The following SPPL2B variants were observed in gnomAD, a reference collection of about 807,000 sequenced individuals.
The protein encoded by SPPL2B is signal peptide peptidase-like 2B.
SPPL2B carries 39 observed loss-of-function variants against 59.7 expected under a neutral mutation model. The observed-to-expected ratio is 0.65, with a 90% confidence interval of 0.51 to 0.85. SPPL2B has a LOEUF of 0.85. Among genes scored for constraint, SPPL2B ranks in the 40% least tolerant of loss-of-function variants. The pLI, the probability that SPPL2B is intolerant of heterozygous loss-of-function variation, is 0.00. For synonymous variants in SPPL2B, 419 were observed against 370.8 expected, an observed-to-expected ratio of 1.13 and a Z score of -1.49; for missense variants, 865 against 849.0, an observed-to-expected ratio of 1.02 and a Z score of -0.23.
intron 3 of SPPL2B, chr19:2,338,425 T>TAAAAAA: frequency 9.4e-6 from 2 of 213,226 alleles, no homozygotes; most frequent in Admixed American, 5.6e-5. Context: ...CAAGGCGGCT[T>TAAAAAA]AGTGGGCAGG....
At position 2,334,592 on chromosome 19, in the gene SPPL2B, T is replaced by C; in HGVS notation, c.67-10T>C. On this transcript the variant is annotated splice_polypyrimidine_tract_variant and intron_variant, in intron 1 of 14. Transcript: ENST00000613503. ...GTGCTGTGGCTCTGACTGCTGGCCTTGTCCTGCAGGTGGCCTGTGAGTACG... is the reference window on the plus strand; with the variant it reads ...GTGCTGTGGCTCTGACTGCTGGCCTCGTCCTGCAGGTGGCCTGTGAGTACG... 6.2e-7 allele frequency: 1 copy of C among 1,606,584 alleles called. No homozygotes were observed. The highest frequency in any genetic ancestry group is 8.5e-7 in the Non-Finnish European group (1 of 1,177,050).
At position 2,339,338 on chromosome 19, in the gene SPPL2B, C is replaced by A. The variant is rs909714114; in HGVS notation, c.599+130C>A. On this transcript the variant is annotated intron_variant, in intron 5 of 14. Transcript: ENST00000613503. ...GCACGGCTCGCCCCGTGGAGCCCTT[C>A]GTTTCTTCCTCAGGAGGTCCTGGGA... is the stretch of plus-strand genomic sequence containing the variant. 3.7e-6 allele frequency: 4 copies of A among 1,083,328 alleles called. No individual in the cohort carries two copies. The African/African-American group carries it at 4.8e-5, about 13-fold the overall frequency. 67.1% of individuals were successfully genotyped at this position (1,083,328 alleles called of 1,614,324 possible).
chr19:2,339,778 C>CTT (rs754087441), intron 5 of SPPL2B, 46 bp from the exon 6 acceptor site: 1 of 1,583,948 alleles, frequency 6.3e-7, no homozygotes, highest in Non-Finnish European at 8.6e-7. Flanking sequence ...AGCCCCGTGT[C>CTT]GGCCAGCCGG....
At chr19:2,341,156 C>T (rs547156567) in intron 8 of SPPL2B, 142 bp downstream of exon 8, 2 of 722,734 alleles carry the variant, frequency 2.8e-6, no homozygotes, top group African/African-American at 1.7e-5. Context: ...GAGCCCTGGC[C>T]CCGGGCTGCT....
rs1396379221 is a variant in SPPL2B, at chr19:2,329,804, G to A, written c.66+1029G>A. Among the ~76,000 whole-genome samples the A allele has an allele frequency of 2.0e-5, 3 of 152,240 alleles. No homozygotes were observed. In the East Asian group the frequency reaches 5.8e-4, roughly 29 times the overall value. On this transcript the variant is annotated intron_variant, in intron 1 of 14. Coordinates refer to ENST00000613503, the MANE Select transcript of SPPL2B (RefSeq NM_152988.3). ...CGCATCCAGATGAGTGCGCCGTCCA[G>A]TTGTGACCTGGCTGCTGGGGAAGCC...
Position 2,337,182 on chromosome 19 carries a change from C to T in SPPL2B, c.187-261C>T, listed in dbSNP as rs141487817. 2,659 of 379,184 alleles carry T rather than the reference C, an allele frequency of 7.0e-3. 24 individuals are homozygous for T. Among genetic ancestry groups the T allele is most frequent in the Admixed American group, 0.012 (262 of 22,436 alleles). The allele number at this position is 379,184 out of a possible 1,614,324, so 23.5% of individuals were successfully genotyped here. On this transcript the variant is annotated intron_variant, in intron 2 of 14. Coordinates refer to ENST00000613503, the MANE Select transcript of SPPL2B (RefSeq NM_152988.3). ...TTGCTGAGTGATCTGTGACGGCTCG[C>T]GGGGTGGCTCAGGTATCAGGGGACA...
At position 2,337,553 on chromosome 19, in the gene SPPL2B, C is replaced by T; in HGVS notation, c.297C>T (p.Thr99=). The change falls in exon 3 of 15, where the codon ACC becomes ACT. Residue 99 remains threonine (T), a synonymous_variant. Transcript: ENST00000613503. ...QIPLVARGNC[T]FYEKVRLAQG... is the part of the protein sequence containing the mutation. Reference sequence around the variant, plus strand: ...CGCTGGTGGCGCGGGGGAACTGCACCTTCTATGAGAAAGTGAGGCTGGCCC... The same window carrying T: ...CGCTGGTGGCGCGGGGGAACTGCACTTTCTATGAGAAAGTGAGGCTGGCCC... 6.2e-7 allele frequency: 1 copy of T among 1,612,314 alleles called. No individual in the cohort carries two copies. Among genetic ancestry groups the T allele is most frequent in the South Asian group, 1.1e-5 (1 of 91,044 alleles).
At chr19:2,343,076 C>A in intron 8 of SPPL2B, 135 bp from the exon 9 acceptor site, 1 of 704,028 alleles carries the variant, frequency 1.4e-6, no homozygotes. Flanking sequence ...TCCTCAGAGT[C>A]ATCCCCTGGG....
rs1023197523 is a variant in SPPL2B, at chr19:2,337,510, G to A, written c.254G>A (p.Gly85Asp). 6.2e-7 allele frequency: 1 copy of A among 1,613,332 alleles called. No individual in the cohort carries two copies. Among genetic ancestry groups the A allele is most frequent in the Non-Finnish European group, 8.5e-7 (1 of 1,179,686 alleles). The change falls in exon 3 of 15, where the codon GGC becomes GAC. Residue 85 changes from glycine (G) to aspartate (D), a missense_variant. Gly to Asp is a moderately conservative substitution (Grantham distance 94). Transcript: ENST00000613503. ...LCSAADLPAR[G>D]FSNQIPLVAR... ...TCCGCAGCCGACCTCCCCGCCCGTG[G>A]CTTCAGCAACCAGATCCCGCTGGTG...
chr19:2,335,632 C>T (rs1029693593), intron 2 of SPPL2B, among the ~76,000 whole-genome samples: 21 of 151,172 alleles, frequency 1.4e-4, no homozygotes, highest in Non-Finnish European at 2.7e-4. Context: ...CTGCATCCTT[C>T]AGGCCCCGCC....
In SPPL2B at chr19:2,336,898, G is replaced by GGT. The variant is rs368029610; in HGVS notation, c.187-529_187-528dup. 4.0e-3 allele frequency among the ~76,000 whole-genome samples: 494 copies of GGT among 124,326 alleles called. 6 individuals carry two copies. In the East Asian group the frequency reaches 0.044, roughly 11 times the overall value. The allele number at this position is 124,326 out of a possible 152,430, so 81.6% of individuals were successfully genotyped here. A position where few individuals can be genotyped will look rare whatever the true frequency, so the allele number is the denominator to read the frequency against. ...GTGCGTGTGCACTGGTCTGGCTGTG[G>GGT]GTGTGTGTGTGTGTGTGCATGTATG... On this transcript the variant is annotated intron_variant, in intron 2 of 14. Transcript: ENST00000613503.
chr19:2,336,385 TA>T (rs1369149468), intron 2 of SPPL2B, among the ~76,000 whole-genome samples: 1 of 151,750 alleles, frequency 6.6e-6, no homozygotes, highest in African/African-American at 2.4e-5. Flanking sequence ...ACATGTGTAA[TA>T]GGTCTGTGTG....
At position 2,351,469 on chromosome 19, in the gene SPPL2B, C is replaced by G; in HGVS notation, c.1390C>G (p.Leu464Val). The change falls in exon 14 of 15, where the codon CTG (leucine) becomes GTG (valine). Residue 464 changes from leucine (L) to valine (V), a missense_variant. By Grantham distance (32) the Leu-to-Val change is conservative (BLOSUM62 1). Transcript: ENST00000613503. ...TGGCCTCCTTGTGACATTCGTGGCA[C>G]TGGCCCTGATGCAGCGTGGCCAGCC... The part of the protein sequence containing the change: ...GVGLLVTFVA[L>V]ALMQRGQPAL... The G allele has an allele frequency of 6.2e-7, 1 of 1,609,450 alleles. No individual in the cohort carries two copies. The highest frequency in any genetic ancestry group is 8.5e-7 in the Non-Finnish European group (1 of 1,178,810).
intron 13 of SPPL2B, among the ~76,000 whole-genome samples, chr19:2,346,878 G>A (rs1034322728): frequency 3.3e-5 from 5 of 152,182 alleles, no homozygotes; most frequent in Non-Finnish European, 7.4e-5. Context: ...CAATAGGGAC[G>A]CTCCCCGTGG....
chr19:2,329,193 C>T (rs1968152032), intron 1 of SPPL2B, among the ~76,000 whole-genome samples: 1 of 152,230 alleles, frequency 6.6e-6, no homozygotes, highest in African/African-American at 2.4e-5. Context: ...CTAAGCTAAC[C>T]TCACCCTAGG....
At chr19:2,351,351 C>G in intron 13 of SPPL2B, 83 bp from the exon 14 acceptor site, 2 of 1,219,076 alleles carry the variant, frequency 1.6e-6, no homozygotes, top group South Asian at 2.7e-5. Flanking sequence ...TCCACCAACC[C>G]CAGCCCGCTC....
rs773836993 is a variant in SPPL2B at position 2,334,712 on chromosome 19, C to T, written c.177C>T (p.Leu59=). The part of the protein sequence containing the change: ...NPQWAHLPHD[L]SKASFLQLRN... ...AGTGGGCCCATCTTCCGCACGACCT[C>T]AGCAAGGCAGTGAGTACCCGCTGGC... Residue 59 remains leucine, a synonymous_variant, in exon 2 of 15, where the codon CTC becomes CTT. Transcript: ENST00000613503. 1 of 1,604,534 alleles carries T rather than the reference C, an allele frequency of 6.2e-7. No individual in the cohort carries two copies. The highest frequency in any genetic ancestry group is 1.1e-5 in the South Asian group (1 of 89,848).
rs1052883937 is a variant in SPPL2B, at chr19:2,338,655, G to A, written c.370-97G>A. 93 of 801,954 alleles carry A rather than the reference G, an allele frequency of 1.2e-4. 1 individual carries two copies. The highest frequency in any genetic ancestry group is 9.2e-4 in the Middle Eastern group (3 of 3,250). 49.7% of individuals were successfully genotyped at this position (801,954 alleles called of 1,614,324 possible). On this transcript the variant is annotated intron_variant, in intron 3 of 14. Transcript: ENST00000613503. ...GCGCCCCCAGCCTGACCCGAGCCTC[G>A]AGTGAGGGTCCCAGGAGAGGAGGCG...
In SPPL2B at chr19:2,338,998, C is replaced by T. The variant is rs534425063; in HGVS notation, c.460-71C>T. 131 of 1,516,616 alleles carry T rather than the reference C, an allele frequency of 8.6e-5. No homozygotes were observed. The African/African-American group carries it at 1.3e-3, about 15-fold the overall frequency. 93.9% of individuals were successfully genotyped at this position (1,516,616 alleles called of 1,614,324 possible). ...GGGTCTCCAGCCCCAGCCCCACAGC[C>T]CACAGCTGCACGTCGACCCATGGCT... On this transcript the variant is annotated intron_variant, in intron 4 of 14. Coordinates refer to ENST00000613503, the MANE Select transcript of SPPL2B (RefSeq NM_152988.3).
Sources: allele counts gnomAD v4.1 joint callset (sites outside exome capture counted in the v4.1 genomes callset), GRCh38; gene constraint gnomAD v4.1.1; transcripts MANE v1.5; gene names NCBI Gene and HGNC (gene_info 2026-07-23, HGNC 2026-07-21).